SANBR: variants seen among roughly 807,000 people sequenced by gnomAD.
The protein encoded by SANBR is SANT and BTB domain regulator of class switch recombination.
In SANBR, 77 loss-of-function variants were observed where a neutral mutation model predicts 101.8. The observed-to-expected ratio is 0.76, with a 90% CI of 0.63 to 0.91. SANBR has a LOEUF of 0.91. Ranked by LOEUF, SANBR falls within the 40% of genes least tolerant of loss-of-function variation. SANBR has a pLI of 0.00. For missense variants in SANBR, 875 were observed against 853.0 expected, an observed-to-expected ratio of 1.03 and a Z score of -0.32; for synonymous variants, 279 against 274.7, an observed-to-expected ratio of 1.02 and a Z score of -0.15.
At chr2:61,118,001 T>C in intron 19 of SANBR, 27 bp from the exon 20 acceptor site, 3 of 1,559,510 alleles carry the variant, frequency 1.9e-6, no homozygotes, top group Non-Finnish European at 2.6e-6. Flanking sequence ...TTATGAAAAG[T>C]AAAGTTTACT....
At chr2:61,131,700 T>G (rs1433247611) in intron 20 of SANBR, among the ~76,000 whole-genome samples, 1 of 152,146 alleles carries the variant, frequency 6.6e-6, no homozygotes, top group East Asian at 1.9e-4. Context: ...ATTCTAAAAT[T>G]TATGTGAAAA....
At chr2:61,091,250 C>G (rs1168811160) in intron 10 of SANBR, among the ~76,000 whole-genome samples, 4 of 152,048 alleles carry the variant, frequency 2.6e-5, no homozygotes, top group Non-Finnish European at 5.9e-5. Context: ...TTAAGACCAG[C>G]CTGGGCAACA....
At chr2:61,100,906 C>A (rs527696726) in intron 12 of SANBR, among the ~76,000 whole-genome samples, 92 of 152,212 alleles carry the variant, frequency 6.0e-4, no homozygotes, top group African/African-American at 2.1e-3. Context: ...TGCGTGAGTA[C>A]AGGCAGGGAG....
intron 16 of SANBR, among the ~76,000 whole-genome samples, chr2:61,111,465 AT>A (rs1683828584): frequency 6.6e-6 from 1 of 152,222 alleles, no homozygotes; most frequent in Admixed American, 6.5e-5. Flanking sequence ...TTTTCTTAAC[AT>A]CTCGAATCCT....
chr2:61,070,465 A>C lies in SANBR; in HGVS notation c.115A>C (p.Ile39Leu). 6.2e-7 allele frequency: 1 copy of C among 1,603,664 alleles called. No homozygotes were observed. The highest frequency in any genetic ancestry group is 8.5e-7 in the Non-Finnish European group (1 of 1,176,136). ...GIPQTINWET[I>L]ARLVPGLTPK... ...CCCTCAGACTATCAACTGGGAAACT[A>C]TAGCAAGGCTCGTGCCTGGATTAAC... Residue 39 changes from isoleucine (I) to leucine (L), a missense_variant, in exon 3 of 22, where the codon ATA becomes CTA. Physicochemically the swap from Ile to Leu is conservative, Grantham distance 5. Transcript: ENST00000402291.
intron 8 of SANBR, among the ~76,000 whole-genome samples, chr2:61,083,741 C>T (rs1312501626): frequency 1.3e-5 from 2 of 151,666 alleles, no homozygotes; most frequent in Admixed American, 6.6e-5. Flanking sequence ...TGGTGGCAGG[C>T]GCCTGTAGTC....
intron 13 of SANBR, among the ~76,000 whole-genome samples, chr2:61,104,463 CAG>C (rs959470110): frequency 2.3e-5 from 3 of 132,680 alleles, no homozygotes; most frequent in Admixed American, 7.8e-5. Flanking sequence ...GCCTGGGTGA[CAG>C]AGCAAAAAAA....
intron 6 of SANBR, among the ~76,000 whole-genome samples, chr2:61,080,731 A>G (rs915136724): frequency 1.3e-5 from 2 of 151,672 alleles, no homozygotes; most frequent in Non-Finnish European, 2.9e-5. Flanking sequence ...AAAAAAAAAC[A>G]ACAACAAAAA....
chr2:61,109,202 A>G lies in SANBR; in HGVS notation c.1650A>G (p.Gln550=). 1 of 1,470,658 alleles carries G rather than the reference A, an allele frequency of 6.8e-7. No homozygotes were observed. The highest frequency in any genetic ancestry group is 9.1e-7 in the Non-Finnish European group (1 of 1,093,850). The allele number at this position is 1,470,658 out of a possible 1,614,324, so 91.1% of individuals were successfully genotyped here. The change falls in exon 16 of 22, where the codon CAA becomes CAG. Residue 550 remains glutamine (Q), a synonymous_variant. Coordinates refer to ENST00000402291, the MANE Select transcript of SANBR (RefSeq NM_001129993.3). ...TAGATTTTTTTTTAACTTAGAAACA[A>G]CAGTCACTGTTTTCAGAAGAAGAAG... ...SLKNWTLQLK[Q]QSLFSEEEEY... is the part of the protein sequence containing the mutation.
chr2:61,106,372 C>T (rs1390294109), intron 13 of SANBR, among the ~76,000 whole-genome samples, 191 bp from the exon 14 acceptor site: 1 of 104,156 alleles, frequency 9.6e-6, no homozygotes, highest in Non-Finnish European at 1.7e-5. Context: ...GCCTGGGTGA[C>T]AGAGCGAGAC....
At chr2:61,067,118 A>G (rs1681216714) in intron 1 of SANBR, among the ~76,000 whole-genome samples, 2 of 152,234 alleles carry the variant, frequency 1.3e-5, no homozygotes. Context: ...TATGCCTTTT[A>G]TACTTAAATT....
At chr2:61,106,299 G>A (rs1244327014) in intron 13 of SANBR, among the ~76,000 whole-genome samples, 2 of 150,228 alleles carry the variant, frequency 1.3e-5, no homozygotes, top group Non-Finnish European at 2.9e-5. Context: ...GCTGAGGCAG[G>A]AGAATCGCTT....
At chr2:61,083,367 T>A in intron 8 of SANBR, 53 bp downstream of exon 8, 1 of 1,081,870 alleles carries the variant, frequency 9.2e-7, no homozygotes, top group South Asian at 1.5e-5. Flanking sequence ...AAGAAATATA[T>A]TTCTATTTCA....
downstream of SANBR, among the ~76,000 whole-genome samples, chr2:61,128,653 C>T (rs1684587697): frequency 6.6e-6 from 1 of 152,036 alleles, no homozygotes; most frequent in African/African-American, 2.4e-5. Context: ...CCACTATGCC[C>T]AGCTAATTTT....
intron 11 of SANBR, among the ~76,000 whole-genome samples, chr2:61,096,436 C>T (rs1683034296): frequency 6.6e-6 from 1 of 152,160 alleles, no homozygotes; most frequent in Non-Finnish European, 1.5e-5. Flanking sequence ...AGGGTCCATC[C>T]TAACCAACCT....
Position 61,123,721 on chromosome 2 carries a change from A to G in SANBR, c.*1559A>G, listed in dbSNP as rs1188224320. 4.1e-6 allele frequency: 4 copies of G among 985,380 alleles called. No individual in the cohort carries two copies. The East Asian group carries it at 3.3e-4, about 82-fold the overall frequency. The allele number at this position is 985,380 out of a possible 1,614,324, so 61.0% of individuals were successfully genotyped here. On this transcript the variant is annotated 3_prime_UTR_variant, in exon 22 of 22. Transcript: ENST00000402291. ...ATTTTTAACTGATGGTAAAAAGGCAAACTGCTTCTCCCCTGGGAGGCCTAT... is the reference window on the plus strand; with the variant it reads ...ATTTTTAACTGATGGTAAAAAGGCAGACTGCTTCTCCCCTGGGAGGCCTAT...
intron 16 of SANBR, among the ~76,000 whole-genome samples, chr2:61,109,681 GTTTTTTTTTTT>G (rs1297359773): frequency 8.0e-6 from 1 of 124,802 alleles, no homozygotes; most frequent in African/African-American, 3.2e-5. Context: ...TTTTGTGTTT[GTTTTTTTTTTT>G]TTTTTTTTGA....
At chr2:61,130,596 G>A (rs1224426878) in intron 20 of SANBR, among the ~76,000 whole-genome samples, 6 of 152,080 alleles carry the variant, frequency 3.9e-5, no homozygotes, top group African/African-American at 1.2e-4. Flanking sequence ...GGAATGGAAA[G>A]TTGACTTAAT....
chr2:61,086,135 A>G lies in SANBR; in HGVS notation c.891-2024A>G, dbSNP rs557626354. Among the ~76,000 whole-genome samples, 4 of 151,982 alleles carry G rather than the reference A, an allele frequency of 2.6e-5. No individual in the cohort carries two copies. The South Asian group carries it at 6.2e-4, about 24-fold the overall frequency. ...TTTCACCAATGTCTTGTAGTTTTCA[A>G]TGTAGAGATATTTTTCCTTTTTATT... On this transcript the variant is annotated intron_variant, in intron 8 of 21. Transcript: ENST00000402291.
Sources: gnomAD v4.1 joint callset for allele counts (sites outside exome capture counted in the v4.1 genomes callset) on GRCh38, gnomAD v4.1.1 for gene constraint, MANE v1.5 for transcripts, NCBI Gene and HGNC (gene_info 2026-07-23, HGNC 2026-07-21) for gene names.